The following TCF7L1 variants were observed in gnomAD, a reference collection of about 807,000 sequenced individuals.
TCF7L1 encodes the protein transcription factor 7-like 1.
A neutral mutation model predicts 63.7 loss-of-function variants in TCF7L1; 18 were observed. The observed-to-expected ratio is 0.28, with a 90% confidence interval of 0.20 to 0.42. TCF7L1 has a LOEUF of 0.42. Ranked by LOEUF, TCF7L1 falls within the 10% of genes least tolerant of loss-of-function variation. The probability of loss-of-function intolerance (pLI) is 1.00; values close to 1 mark genes in which losing one functional copy is unlikely to be tolerated. For synonymous variants in TCF7L1, 355 were observed against 340.9 expected (o/e 1.04, Z -0.46); for missense variants, 654 against 779.3 (o/e 0.84, Z 1.91).
Position 85,148,771 on chromosome 2 carries a change from A to ATT in TCF7L1, c.441+14340_441+14341dup, listed in dbSNP as rs775984491. On this transcript the variant is annotated intron_variant, in intron 3 of 11. Transcript: ENST00000282111. The stretch of plus-strand genomic sequence containing the variant: ...AGTGGATCTTTTCTTACAGTATTTA[A>ATT]TTTTTTTTTTTTTTTTTTTTGAGAC... Among the ~76,000 whole-genome samples the ATT allele has an allele frequency of 9.2e-3, 1,149 of 124,992 alleles. 33 individuals carry two copies. Among genetic ancestry groups the ATT allele is most frequent in the African/African-American group, 0.02 (663 of 33,254 alleles). The allele number at this position is 124,992 out of a possible 152,430, so 82.0% of individuals were successfully genotyped here.
intron 3 of TCF7L1, among the ~76,000 whole-genome samples, chr2:85,223,831 C>T (rs1048368662): frequency 6.6e-6 from 1 of 152,160 alleles, no homozygotes; most frequent in East Asian, 1.9e-4. Flanking sequence ...GATACATGTG[C>T]ACAACGTGCA....
At chr2:85,308,412 T>C (rs1573036985) in intron 11 of TCF7L1, among the ~76,000 whole-genome samples, 1 of 96,732 alleles carries the variant, frequency 1.0e-5, no homozygotes, top group Non-Finnish European at 2.0e-5. Context: ...TCCCTCCCTT[T>C]CCCCTTCCCT....
chr2:85,219,318 T>G (rs575283992), intron 3 of TCF7L1, among the ~76,000 whole-genome samples: 2 of 152,302 alleles, frequency 1.3e-5, no homozygotes, highest in East Asian at 3.9e-4. Context: ...ATTTGCGTAT[T>G]ATATTGAGGA....
intron 3 of TCF7L1, among the ~76,000 whole-genome samples, chr2:85,160,188 T>G (rs1260751132): frequency 6.6e-6 from 1 of 152,220 alleles, no homozygotes; most frequent in Non-Finnish European, 1.5e-5. Context: ...GCCACCCCTT[T>G]GTAGTCATGC....
chr2:85,218,562 G>T (rs1572996634), intron 3 of TCF7L1, among the ~76,000 whole-genome samples: 3 of 151,368 alleles, frequency 2.0e-5, no homozygotes, highest in Admixed American at 2.0e-4. Flanking sequence ...AGCGTTATCT[G>T]ACTTCTAGTG....
At chr2:85,149,611 G>A (rs1457044766) in intron 3 of TCF7L1, among the ~76,000 whole-genome samples, 1 of 151,782 alleles carries the variant, frequency 6.6e-6, no homozygotes, top group Non-Finnish European at 1.5e-5. Flanking sequence ...TGCAGCCTCC[G>A]CCTCCCGGGT....
intron 3 of TCF7L1, among the ~76,000 whole-genome samples, chr2:85,282,986 T>C (rs1270830849): frequency 6.6e-6 from 1 of 152,152 alleles, no homozygotes; most frequent in Non-Finnish European, 1.5e-5. Context: ...CCCATGACTC[T>C]GTGTCAGGCA....
intron 3 of TCF7L1, among the ~76,000 whole-genome samples, chr2:85,236,483 A>G (rs1375530758): frequency 6.6e-6 from 1 of 152,142 alleles, no homozygotes; most frequent in African/African-American, 2.4e-5. Flanking sequence ...CTCTGGATGC[A>G]ATTGTGTGAA....
chr2:85,260,372 C>T (rs1283586666), intron 3 of TCF7L1, among the ~76,000 whole-genome samples: 5 of 151,830 alleles, frequency 3.3e-5, no homozygotes, highest in Non-Finnish European at 5.9e-5. Flanking sequence ...CGCAGTGGCT[C>T]ATGTCTGTAA....
In TCF7L1 at chr2:85,172,929, G is replaced by A. The variant is rs377178124; in HGVS notation, c.441+38479G>A. On this transcript the variant is annotated intron_variant, in intron 3 of 11. Transcript: ENST00000282111. Reference sequence around the variant, plus strand: ...CCCCTGCCATCATTGGTCATTGCCCGTCTCCACTCGCTACCACAGCAGCGC... The same window carrying A: ...CCCCTGCCATCATTGGTCATTGCCCATCTCCACTCGCTACCACAGCAGCGC... Among the ~76,000 whole-genome samples, 86 of 152,208 alleles carry A rather than the reference G, an allele frequency of 5.7e-4. No homozygotes were observed. In the East Asian group the frequency reaches 0.012, roughly 22 times the overall value.
At chr2:85,188,957 G>A (rs1678989114) in intron 3 of TCF7L1, among the ~76,000 whole-genome samples, 1 of 152,164 alleles carries the variant, frequency 6.6e-6, no homozygotes, top group Admixed American at 6.5e-5. Flanking sequence ...GCATTATGAG[G>A]AGGAACTATC....
At chr2:85,157,302 C>T (rs909122466) in intron 3 of TCF7L1, among the ~76,000 whole-genome samples, 2 of 152,218 alleles carry the variant, frequency 1.3e-5, no homozygotes, top group Non-Finnish European at 2.9e-5. Flanking sequence ...TTCCGAACTA[C>T]TGCTAGATTG....
chr2:85,250,396 T>G (rs1384037548), intron 3 of TCF7L1, among the ~76,000 whole-genome samples: 2 of 152,088 alleles, frequency 1.3e-5, no homozygotes, highest in African/African-American at 4.8e-5. Flanking sequence ...AAAAAAGCAC[T>G]CGGTAATATA....
chr2:85,176,235 G>A (rs1179134754), intron 3 of TCF7L1, among the ~76,000 whole-genome samples: 1 of 152,190 alleles, frequency 6.6e-6, no homozygotes, highest in Non-Finnish European at 1.5e-5. Flanking sequence ...CAGGCCCTGG[G>A]ACATCTGAGT....
intron 4 of TCF7L1, among the ~76,000 whole-genome samples, chr2:85,293,965 A>G (rs59353316): frequency 6.0e-5 from 9 of 150,836 alleles, no homozygotes; most frequent in Admixed American, 3.3e-4. Context: ...GTTAAAACAA[A>G]GATTGCTGAA....
In TCF7L1 at chr2:85,306,402, G is replaced by A; in HGVS notation, c.1149+37G>A. On this transcript the variant is annotated intron_variant, in intron 9 of 11. Coordinates refer to ENST00000282111, the MANE Select transcript of TCF7L1 (RefSeq NM_031283.3). This position sits in a 1 kb window ranked among gnomAD's most constrained non-coding sequence, Gnocchi z 4.3. ...CCTCTCCCTCCAGGCCAGGGAGGCA[G>A]CGTCCCTGCATTGATGGCTCCGTGT... The A allele has an allele frequency of 1.2e-6, 2 of 1,613,048 alleles. No individual in the cohort carries two copies. Among genetic ancestry groups the A allele is most frequent in the Non-Finnish European group, 1.7e-6 (2 of 1,179,036 alleles).
At chr2:85,308,893 A>C in intron 11 of TCF7L1, 136 bp from the exon 12 acceptor site, 1 of 998,420 alleles carries the variant, frequency 1.0e-6, no homozygotes, top group Non-Finnish European at 1.5e-6. Context: ...TAGTCTTGAA[A>C]GCCTTGGAAG....
chr2:85,302,699 G>C, intron 5 of TCF7L1, 83 bp downstream of exon 5: 1 of 1,507,068 alleles, frequency 6.6e-7, no homozygotes, highest in Non-Finnish European at 8.9e-7. Flanking sequence ...CTTGAATCAG[G>C]CTGACCTGGG....
chr2:85,265,053 G>A (rs955174558), intron 3 of TCF7L1, among the ~76,000 whole-genome samples: 1 of 152,180 alleles, frequency 6.6e-6, no homozygotes, highest in Non-Finnish European at 1.5e-5. Flanking sequence ...AAGGATTTAG[G>A]TAGGGGAGAA....
Sources: allele counts gnomAD v4.1 joint callset (sites outside exome capture counted in the v4.1 genomes callset), GRCh38; gene constraint gnomAD v4.1.1; non-coding constraint Gnocchi (gnomAD v3.1); transcripts MANE v1.5; gene names NCBI Gene and HGNC (gene_info 2026-07-23, HGNC 2026-07-21).